ABAT: variants seen among roughly 807,000 people sequenced by gnomAD.
The protein encoded by ABAT is 4-aminobutyrate aminotransferase, mitochondrial.
Under a neutral mutation model 64.6 loss-of-function variants are expected in ABAT, and 45 were observed. The ratio of observed to expected loss-of-function variants is 0.70; its 90% CI spans 0.55 to 0.89. ABAT has a LOEUF of 0.89. Among genes scored for constraint, ABAT ranks in the 40% least tolerant of loss-of-function variants. ABAT has a pLI of 0.00. For synonymous variants in ABAT, 297 were observed against 250.5 expected, an observed-to-expected ratio of 1.19 and a Z score of -1.75; for missense variants, 633 against 658.4, an observed-to-expected ratio of 0.96 and a Z score of 0.42.
chr16:8,773,249 T>G (rs1239096681), intron 12 of ABAT, among the ~76,000 whole-genome samples: 1 of 151,966 alleles, frequency 6.6e-6, no homozygotes, highest in African/African-American at 2.4e-5. Flanking sequence ...CCTCCCAGGT[T>G]CAAGTGATTC....
At chr16:8,733,018 GCA>G (rs2058787810) in intron 1 of ABAT, among the ~76,000 whole-genome samples, 1 of 149,328 alleles carries the variant, frequency 6.7e-6, no homozygotes, top group African/African-American at 2.5e-5. Flanking sequence ...GGCTGGCCTG[GCA>G]GGGGGCTGAT....
Position 8,707,331 on chromosome 16 carries a change from C to A in ABAT, c.-41-28368C>A, listed in dbSNP as rs910369465. Among the ~76,000 whole-genome samples, 34 of 148,472 alleles carry A rather than the reference C, an allele frequency of 2.3e-4. 1 individual carries two copies. Among genetic ancestry groups the A allele is most frequent in the Admixed American group, 1.9e-3 (28 of 14,760 alleles). On this transcript the variant is annotated intron_variant, in intron 1 of 15. Coordinates refer to ENST00000268251, the MANE Select transcript of ABAT (RefSeq NM_020686.6). ...CCTACCTTGTAGCTGGGACTATAGG[C>A]ACACACTACCATGCCAGGGTAATTT...
At chr16:8,732,212 T>G (rs1235963609) in intron 1 of ABAT, among the ~76,000 whole-genome samples, 21 of 129,780 alleles carry the variant, frequency 1.6e-4, no homozygotes, top group African/African-American at 4.7e-4. Flanking sequence ...TTTTTTTGTT[T>G]GTTTGTTTTT....
At chr16:8,686,522 G>A (rs748268342) in intron 1 of ABAT, among the ~76,000 whole-genome samples, 11 of 152,164 alleles carry the variant, frequency 7.2e-5, no homozygotes, top group Non-Finnish European at 1.3e-4. Flanking sequence ...ACTCACATTG[G>A]CTGTGTATTT....
rs115663918 is a variant in ABAT at position 8,780,234 on chromosome 16, G to A, written c.1381+644G>A. 685 of 176,550 alleles carry A rather than the reference G, an allele frequency of 3.9e-3. 8 individuals carry two copies. Among genetic ancestry groups the A allele is most frequent in the African/African-American group, 0.015 (643 of 41,904 alleles). 10.9% of individuals were successfully genotyped at this position (176,550 alleles called of 1,614,324 possible). ...GGGGAGGAGAGGCCAGGCCCGGGTC[G>A]CATGGGCCTGCAGATCAGGCTTAGC... On this transcript the variant is annotated intron_variant, in intron 15 of 15. Coordinates refer to ENST00000268251, the MANE Select transcript of ABAT (RefSeq NM_020686.6).
intron 1 of ABAT, chr16:8,714,575 C>G (rs936545710): frequency 2.0e-5 from 3 of 152,282 alleles, no homozygotes; most frequent in African/African-American, 7.2e-5. Context: ...TTAGAAAATG[C>G]AATTTCATTT....
At position 8,764,691 on chromosome 16, in the gene ABAT, C is replaced by G; in HGVS notation, c.448-47C>G. 2 of 1,545,762 alleles carry G rather than the reference C, an allele frequency of 1.3e-6. No individual in the cohort carries two copies. The highest frequency in any genetic ancestry group is 1.8e-6 in the Non-Finnish European group (2 of 1,118,108). ...GCTCCAGCCAGGGGAAGCGGGAGGA[C>G]AGGAGTCATGATGAGCCTGGGCTCA... On this transcript the variant is annotated intron_variant, in intron 7 of 15. Transcript: ENST00000268251. The surrounding 1 kb of genome is among the most constrained non-coding windows in gnomAD (Gnocchi z 4.2).
chr16:8,728,147 G>C (rs1465401422), intron 1 of ABAT, among the ~76,000 whole-genome samples: 2 of 152,302 alleles, frequency 1.3e-5, no homozygotes, highest in Middle Eastern at 3.4e-3. Flanking sequence ...ATTAACTTGT[G>C]TTGATTGAAT....
intron 1 of ABAT, among the ~76,000 whole-genome samples, chr16:8,700,972 C>T (rs1385731446): frequency 7.1e-6 from 1 of 141,044 alleles, no homozygotes; most frequent in Non-Finnish European, 1.5e-5. Context: ...GTCACTCTGT[C>T]TGTCACTCAG....
At chr16:8,765,161 A>C (rs544736132) in intron 8 of ABAT, among the ~76,000 whole-genome samples, 1 of 145,962 alleles carries the variant, frequency 6.9e-6, no homozygotes, top group Admixed American at 6.8e-5. Context: ...ACGAAACCCC[A>C]TCTCTACTAA....
chr16:8,774,896 T>C lies in ABAT; in HGVS notation c.961T>C (p.Cys321Arg), dbSNP rs1458922038. 1.6e-5 allele frequency: 26 copies of C among 1,613,924 alleles called. No homozygotes were observed. The highest frequency in any genetic ancestry group is 2.0e-5 in the Non-Finnish European group (24 of 1,180,038). ...KLRDIARKHG[C>R]AFLVDEVQTG... ...CTCTCTCTTCTCCGGCCAGCATGGC[T>C]GCGCCTTCTTGGTGGACGAGGTCCA... Residue 321 changes from cysteine (C) to arginine (R), a missense_variant, in exon 13 of 16, where the codon TGC becomes CGC. Physicochemically the swap from Cys to Arg is radical, Grantham distance 180. Coordinates refer to ENST00000268251, the MANE Select transcript of ABAT (RefSeq NM_020686.6).
intron 5 of ABAT, among the ~76,000 whole-genome samples, chr16:8,754,730 T>C (rs951642226): frequency 6.8e-6 from 1 of 147,170 alleles, no homozygotes; most frequent in Non-Finnish European, 1.5e-5. Context: ...TTCTTTTTTT[T>C]TTCTTGAAAA....
At chr16:8,775,652 T>G (rs146080671) in intron 13 of ABAT, among the ~76,000 whole-genome samples, 16 of 152,310 alleles carry the variant, frequency 1.1e-4, no homozygotes, top group African/African-American at 3.8e-4. Flanking sequence ...TGCCTCATGG[T>G]CCAAAATGGC....
intron 1 of ABAT, among the ~76,000 whole-genome samples, chr16:8,678,023 G>A (rs1360376096): frequency 6.6e-6 from 1 of 152,020 alleles, no homozygotes; most frequent in Non-Finnish European, 1.5e-5. Flanking sequence ...TCACACCACT[G>A]CATTCCAGCC....
chr16:8,777,812 G>A lies in ABAT; in HGVS notation c.1269+1322G>A, dbSNP rs138791054. 7.2e-5 allele frequency among the ~76,000 whole-genome samples: 11 copies of A among 152,280 alleles called. No homozygotes were observed. In the East Asian group the frequency reaches 2.1e-3, roughly 29 times the overall value. On this transcript the variant is annotated intron_variant, in intron 14 of 15. Transcript: ENST00000268251. ...AGTGAGCCCTTCTTCACTGGCAGGG[G>A]ATTCAAGAATGTGCCCACTGCCAGG...
chr16:8,752,959 G>A (rs897893917), intron 5 of ABAT, among the ~76,000 whole-genome samples: 17 of 152,078 alleles, frequency 1.1e-4, no homozygotes, highest in African/African-American at 3.9e-4. Flanking sequence ...CTTGGAGTAG[G>A]GTCTTCTAAC....
chr16:8,733,451 A>G (rs917703044), intron 1 of ABAT, among the ~76,000 whole-genome samples: 1 of 151,788 alleles, frequency 6.6e-6, no homozygotes, highest in African/African-American at 2.4e-5. Context: ...AGAGGCTGCA[A>G]TCTCGGCACT....
chr16:8,690,492 T>C (rs1299266575), intron 1 of ABAT, among the ~76,000 whole-genome samples: 1 of 152,230 alleles, frequency 6.6e-6, no homozygotes, highest in East Asian at 1.9e-4. Context: ...TTTGTGGTAC[T>C]TTTTTCCTTT....
chr16:8,738,013 AAAGG>A (rs2059028186), intron 2 of ABAT, among the ~76,000 whole-genome samples: 1 of 111,914 alleles, frequency 8.9e-6, no homozygotes, highest in Non-Finnish European at 1.8e-5. Context: ...AGAAAGAAAG[AAAGG>A]AAAGAAAGAA....
Sources: gnomAD v4.1 joint callset for allele counts (sites outside exome capture counted in the v4.1 genomes callset) on GRCh38, gnomAD v4.1.1 for gene constraint, Gnocchi (gnomAD v3.1) non-coding constraint, MANE v1.5 for transcripts, NCBI Gene and HGNC (gene_info 2026-07-23, HGNC 2026-07-21) for gene names.